Variants in OS9 observed in about 807,000 individuals in gnomAD.
OS9 encodes the protein protein OS-9.
A neutral mutation model predicts 84.7 loss-of-function variants in OS9; 58 were observed. The ratio of observed to expected loss-of-function variants is 0.68; its 90% CI spans 0.55 to 0.85. The LOEUF (loss-of-function observed/expected upper bound fraction) is 0.85, where lower values mean the gene tolerates loss of function less well. Among genes scored for constraint, OS9 ranks in the 40% least tolerant of loss-of-function variants. The pLI, the probability that OS9 is intolerant of heterozygous loss-of-function variation, is 0.00. For missense variants in OS9, 760 were observed against 850.9 expected (o/e 0.89, Z 1.33); for synonymous variants, 278 against 320.8 (o/e 0.87, Z 1.43).
chr12:57,716,290 G>T, intron 7 of OS9, 97 bp downstream of exon 7: 1 of 907,494 alleles, frequency 1.1e-6, no homozygotes. Context: ...GGGGGGGGGT[G>T]GAAAAGTACC....
At chr12:57,716,672 C>G (rs1233414637) in intron 8 of OS9, 21 bp from the exon 9 acceptor site, 2 of 1,612,950 alleles carry the variant, frequency 1.2e-6, no homozygotes, top group East Asian at 4.5e-5. Context: ...ATACTTGACT[C>G]TCTCCTTTTC....
At position 57,721,347 on chromosome 12, in the gene OS9, TATTGA is replaced by T. The variant is rs1423056103; in HGVS notation, c.*443_*447del. ...TGTTTGGAGTCGTTTTACCCTCTTC[TATTGA>T]ATTGCCTTGGGATTTCCTTCTCCCT... On this transcript the variant is annotated 3_prime_UTR_variant, in exon 15 of 15. Transcript: ENST00000315970. 1 of 169,520 alleles carries T rather than the reference TATTGA, an allele frequency of 5.9e-6. No homozygotes were observed. The highest frequency in any genetic ancestry group is 1.3e-5 in the Non-Finnish European group (1 of 77,976). 10.5% of individuals were successfully genotyped at this position (169,520 alleles called of 1,614,324 possible).
chr12:57,717,512 G>A (rs1440449526), intron 9 of OS9, among the ~76,000 whole-genome samples: 2 of 152,170 alleles, frequency 1.3e-5, no homozygotes, highest in Non-Finnish European at 2.9e-5. Flanking sequence ...AAGAAAAAGA[G>A]CCGGGCGTGG....
intron 5 of OS9, among the ~76,000 whole-genome samples, chr12:57,705,528 ATT>A (rs1348134241): frequency 6.6e-6 from 1 of 151,702 alleles, no homozygotes; most frequent in African/African-American, 2.4e-5. Context: ...TACAAATTTC[ATT>A]TTCTTTATTA....
At chr12:57,711,157 T>C (rs1954318100) in intron 5 of OS9, among the ~76,000 whole-genome samples, 1 of 151,924 alleles carries the variant, frequency 6.6e-6, no homozygotes, top group East Asian at 1.9e-4. Context: ...AACCCTGGTC[T>C]TAGTTTTGCA....
At chr12:57,699,826 T>C (rs940556331) in intron 5 of OS9, among the ~76,000 whole-genome samples, 4 of 152,188 alleles carry the variant, frequency 2.6e-5, no homozygotes, top group African/African-American at 9.7e-5. Context: ...CTGGGCGCGG[T>C]GGCTCATGCC....
chr12:57,699,465 G>A (rs1953957149), intron 5 of OS9, among the ~76,000 whole-genome samples: 1 of 152,196 alleles, frequency 6.6e-6, no homozygotes, highest in African/African-American at 2.4e-5. Context: ...GAAAGGGCCA[G>A]AGAGGAGGCT....
chr12:57,720,348 G>T, intron 13 of OS9, 58 bp from the exon 14 acceptor site: 1 of 1,583,622 alleles, frequency 6.3e-7, no homozygotes, highest in Non-Finnish European at 8.7e-7. Context: ...TGGGGCAGGG[G>T]GCCTGCCCTG....
chr12:57,715,064 C>T (rs1168947386), intron 5 of OS9, among the ~76,000 whole-genome samples: 1 of 151,900 alleles, frequency 6.6e-6, no homozygotes, highest in East Asian at 1.9e-4. Context: ...AATATATATA[C>T]ACTTTAAAAA....
chr12:57,720,863 C>T lies in OS9; in HGVS notation c.1958C>T (p.Ser653Phe), dbSNP rs147650364. The change falls in exon 15 of 15, where the codon TCT (serine) becomes TTT (phenylalanine). Residue 653 changes from serine (S) to phenylalanine (F), a missense_variant. Coordinates refer to ENST00000315970, the MANE Select transcript of OS9 (RefSeq NM_006812.4). ...LESNYRRVWGSPGGEGTGDLD... is the reference protein window; with the variant it reads ...LESNYRRVWGFPGGEGTGDLD... ...AGCAATTACCGCCGGGTGTGGGGCT[C>T]TCCAGGTGGGGAGGGCACAGGGGAC... is the stretch of plus-strand genomic sequence containing the variant. 23 of 1,614,026 alleles carry T rather than the reference C, an allele frequency of 1.4e-5. No homozygotes were observed. The East Asian group carries it at 3.3e-4, about 23-fold the overall frequency.
chr12:57,720,708 C>A, intron 14 of OS9, 76 bp from the exon 15 acceptor site: 1 of 1,532,718 alleles, frequency 6.5e-7, no homozygotes, highest in Middle Eastern at 2.0e-4. Flanking sequence ...CCCTGCCTTC[C>A]CCCAGCTGCC....
At chr12:57,696,126 C>A in intron 4 of OS9, 88 bp downstream of exon 4, 2 of 1,261,504 alleles carry the variant, frequency 1.6e-6, no homozygotes, top group Non-Finnish European at 2.3e-6. Context: ...ATTAGCTGAT[C>A]TGTTTCTTGG....
rs1954664930 is a variant in OS9, at chr12:57,720,974, C to A, written c.*65C>A. ...TTCCTGGACTGGCTTGCCTCCTCCC[C>A]ACCTCCCCACCCTGGAACCCCTGAG... On this transcript the variant is annotated 3_prime_UTR_variant, in exon 15 of 15. Coordinates refer to ENST00000315970, the MANE Select transcript of OS9 (RefSeq NM_006812.4). 1.0e-5 allele frequency: 16 copies of A among 1,580,820 alleles called. 1 individual carries two copies. In the South Asian group the frequency reaches 1.8e-4, roughly 18 times the overall value.
In OS9 at chr12:57,719,060, T is replaced by C; in HGVS notation, c.1478T>C (p.Leu493Pro). 3.1e-6 allele frequency: 5 copies of C among 1,614,034 alleles called. No individual in the cohort carries two copies. Among genetic ancestry groups the C allele is most frequent in the Non-Finnish European group, 3.4e-6 (4 of 1,179,950 alleles). The change falls in exon 12 of 15, where the codon CTC (leucine) becomes CCC (proline). Residue 493 changes from leucine to proline, a missense_variant. Transcript: ENST00000315970. ...ESERDRAMLA[L>P]TSTLNKLIKR... ...GAGCGGGATCGGGCAATGCTGGCTC[T>C]CACATCCACTCTCAACAAACTCATC...
intron 5 of OS9, among the ~76,000 whole-genome samples, chr12:57,705,133 G>A (rs1318023692): frequency 2.0e-5 from 3 of 152,056 alleles, no homozygotes; most frequent in Non-Finnish European, 4.4e-5. Flanking sequence ...TTACCACGTT[G>A]TTTTAATTAC....
chr12:57,704,236 A>G (rs1954103406), intron 5 of OS9, among the ~76,000 whole-genome samples: 1 of 152,186 alleles, frequency 6.6e-6, no homozygotes, highest in South Asian at 2.1e-4. Context: ...TTGCATCTAT[A>G]TGTATAAAAG....
chr12:57,715,926 C>G lies in OS9; in HGVS notation c.746C>G (p.Ser249Cys). 1 of 1,613,302 alleles carries G rather than the reference C, an allele frequency of 6.2e-7. No individual in the cohort carries two copies. Among genetic ancestry groups the G allele is most frequent in the South Asian group, 1.1e-5 (1 of 90,898 alleles). Residue 249 changes from serine to cysteine, a missense_variant, in exon 6 of 15, where the codon TCC becomes TGC. Physicochemically the swap from Ser to Cys is moderately radical, Grantham distance 112 (BLOSUM62 -1). Transcript: ENST00000315970. ...AAPQAILCHP[S>C]LQPEEYMAYV... ...CCGCAGGCCATCCTCTGTCACCCTTCCCTACAGCCTGAGGAGTACATGGCC... is the reference window on the plus strand; with the variant it reads ...CCGCAGGCCATCCTCTGTCACCCTTGCCTACAGCCTGAGGAGTACATGGCC...
rs1411334989 is a variant in OS9 at position 57,718,974 on chromosome 12, CTT to C, written c.1411-18_1411-17del. Reference sequence around the variant, plus strand: ...ACACCCCAGACCCTTGACTCACTCTCTTCTCTTGGGTATTCCAGACAGAGAAA... The same window carrying C: ...ACACCCCAGACCCTTGACTCACTCTCCTCTTGGGTATTCCAGACAGAGAAA... On this transcript the variant is annotated splice_polypyrimidine_tract_variant and intron_variant, in intron 11 of 14. Coordinates refer to ENST00000315970, the MANE Select transcript of OS9 (RefSeq NM_006812.4). 1 of 1,601,600 alleles carries C rather than the reference CTT, an allele frequency of 6.2e-7. No homozygotes were observed. The highest frequency in any genetic ancestry group is 8.5e-7 in the Non-Finnish European group (1 of 1,170,810).
chr12:57,716,423 A>G lies in OS9; in HGVS notation c.904A>G (p.Thr302Ala), dbSNP rs1261771292. 3 of 1,557,730 alleles carry G rather than the reference A, an allele frequency of 1.9e-6. No individual in the cohort carries two copies. Among genetic ancestry groups the G allele is most frequent in the Non-Finnish European group, 2.6e-6 (3 of 1,150,044 alleles). Residue 302 changes from threonine to alanine, a missense_variant, in exon 8 of 15, where the codon ACC becomes GCC. Physicochemically the swap from Thr to Ala is moderately conservative, Grantham distance 58 (BLOSUM62 0). Coordinates refer to ENST00000315970, the MANE Select transcript of OS9 (RefSeq NM_006812.4). ...APQKMAGASP[T>A]KDDSKDSDFW... Reference sequence around the variant, plus strand: ...TCTCTGTACCCTAGGTGCGAGCCCGACCAAGGATGACAGTAAGGACTCAGA... The same window carrying G: ...TCTCTGTACCCTAGGTGCGAGCCCGGCCAAGGATGACAGTAAGGACTCAGA...
Sources: allele counts gnomAD v4.1 joint callset (sites outside exome capture counted in the v4.1 genomes callset), GRCh38; gene constraint gnomAD v4.1.1; transcripts MANE v1.5; gene names NCBI Gene and HGNC (gene_info 2026-07-23, HGNC 2026-07-21).